Variants in METTL25 observed in about 807,000 individuals in gnomAD.
METTL25 encodes methyltransferase like 25.
In METTL25, 64 loss-of-function variants were observed where a neutral mutation model predicts 71.6. The ratio of observed to expected loss-of-function variants is 0.89; its 90% CI spans 0.73 to 1.10. The LOEUF (loss-of-function observed/expected upper bound fraction) is 1.10. Ranked by LOEUF, METTL25 falls within the 50% of genes least tolerant of loss-of-function variation. METTL25 has a pLI of 0.00. For missense variants in METTL25, 807 were observed against 707.0 expected, an observed-to-expected ratio of 1.14 and a Z score of -1.60; for synonymous variants, 287 against 250.3, an observed-to-expected ratio of 1.15 and a Z score of -1.38.
chr12:82,430,472 G>T (rs1197648597), intron 5 of METTL25, among the ~76,000 whole-genome samples: 1 of 151,478 alleles, frequency 6.6e-6, no homozygotes, highest in Non-Finnish European at 1.5e-5. Flanking sequence ...AACATTGTTA[G>T]GAATGAATTT....
chr12:82,428,263 C>T (rs569767653), intron 5 of METTL25, among the ~76,000 whole-genome samples: 2 of 151,932 alleles, frequency 1.3e-5, no homozygotes, highest in South Asian at 4.2e-4. Flanking sequence ...GAATTGCAGC[C>T]TCTAGTCTCA....
intron 1 of METTL25, among the ~76,000 whole-genome samples, chr12:82,378,134 A>T (rs1376441359): frequency 6.6e-6 from 1 of 152,214 alleles, no homozygotes; most frequent in Admixed American, 6.5e-5. Flanking sequence ...ACTGCATTTC[A>T]GGTTCAGCCA....
chr12:82,384,394 TC>T (rs1005174246), intron 1 of METTL25, among the ~76,000 whole-genome samples: 3 of 151,374 alleles, frequency 2.0e-5, no homozygotes, highest in Non-Finnish European at 4.4e-5. Context: ...TCTCTCTCTC[TC>T]TGTCTTCCTC....
At chr12:82,438,046 G>A (rs1400283627) in intron 7 of METTL25, among the ~76,000 whole-genome samples, 4 of 151,574 alleles carry the variant, frequency 2.6e-5, no homozygotes, top group African/African-American at 4.8e-5. Context: ...TAAAACAATC[G>A]TGCTTCATTG....
rs576477146 is a variant in METTL25, at chr12:82,457,055, G to A, written c.1572+235G>A. Among the ~76,000 whole-genome samples, 277 of 152,022 alleles carry A rather than the reference G, an allele frequency of 1.8e-3. 2 individuals carry two copies. Among genetic ancestry groups the A allele is most frequent in the African/African-American group, 6.3e-3 (263 of 41,514 alleles). On this transcript the variant is annotated intron_variant, in intron 9 of 11. Coordinates refer to ENST00000248306, the MANE Select transcript of METTL25 (RefSeq NM_032230.3). ...CCCTCTTTTAGTTCGAGTTAAAAAT[G>A]TGCCAATTTACAAATCAAAATACAG...
Position 82,401,298 on chromosome 12 carries a change from GTGTT to G in METTL25, c.1132-1682_1132-1679del, listed in dbSNP as rs1359116869. On this transcript the variant is annotated intron_variant, in intron 4 of 11. Transcript: ENST00000248306. ...ATATGCTGACAATAGTTATAAAAAT[GTGTT>G]TGAGAAACAAGTTAATACTTAACGT... Among the ~76,000 whole-genome samples, 6 of 152,038 alleles carry G rather than the reference GTGTT, an allele frequency of 3.9e-5. No homozygotes were observed. The South Asian group carries it at 1.0e-3, about 26-fold the overall frequency.
intron 1 of METTL25, among the ~76,000 whole-genome samples, chr12:82,381,824 T>G (rs1441506831): frequency 2.0e-5 from 3 of 152,246 alleles, no homozygotes; most frequent in South Asian, 4.1e-4. Context: ...GAAAACATGT[T>G]CAATTCAACT....
At chr12:82,424,280 G>C (rs192286601) in intron 5 of METTL25, among the ~76,000 whole-genome samples, 4 of 151,798 alleles carry the variant, frequency 2.6e-5, no homozygotes, top group African/African-American at 9.7e-5. Context: ...GCAAACTATC[G>C]CAAGGACAAA....
chr12:82,360,471 GA>G (rs1881701325), intron 1 of METTL25, among the ~76,000 whole-genome samples: 1 of 151,284 alleles, frequency 6.6e-6, no homozygotes, highest in Non-Finnish European at 1.5e-5. Flanking sequence ...AGTGCTGTAA[GA>G]AAAAAAGTAT....
intron 1 of METTL25, among the ~76,000 whole-genome samples, chr12:82,375,050 A>G (rs979412735): frequency 6.6e-6 from 1 of 152,234 alleles, no homozygotes; most frequent in Non-Finnish European, 1.5e-5. Flanking sequence ...CAAGATTTTG[A>G]TTGCAAACTT....
At chr12:82,446,043 C>T (rs923556152) in intron 8 of METTL25, among the ~76,000 whole-genome samples, 3 of 151,964 alleles carry the variant, frequency 2.0e-5, no homozygotes, top group Non-Finnish European at 4.4e-5. Flanking sequence ...GCTATACTTA[C>T]GTCACATAAA....
rs114950432 is a variant in METTL25 at position 82,402,041 on chromosome 12, A to G, written c.1132-942A>G. ...AGTATTATTAGTAAATTCAACTTCAAAATGATTGTTGAACAAGATTCTGTG... is the reference window on the plus strand; with the variant it reads ...AGTATTATTAGTAAATTCAACTTCAGAATGATTGTTGAACAAGATTCTGTG... On this transcript the variant is annotated intron_variant, in intron 4 of 11. Coordinates refer to ENST00000248306, the MANE Select transcript of METTL25 (RefSeq NM_032230.3). Among the ~76,000 whole-genome samples the G allele has an allele frequency of 8.7e-3, 1,324 of 152,168 alleles. 18 individuals are homozygous for G. Among genetic ancestry groups the G allele is most frequent in the African/African-American group, 0.03 (1,250 of 41,552 alleles).
chr12:82,406,698 T>G (rs570108408), intron 5 of METTL25, among the ~76,000 whole-genome samples: 4 of 152,282 alleles, frequency 2.6e-5, no homozygotes, highest in Admixed American at 2.6e-4. Context: ...TTCTTTATCA[T>G]CAAACATTAG....
At chr12:82,386,702 G>A (rs368175339) in intron 1 of METTL25, 101 bp from the exon 2 acceptor site, 5 of 896,360 alleles carry the variant, frequency 5.6e-6, no homozygotes, top group South Asian at 3.6e-5. Flanking sequence ...GAAAATATTG[G>A]CATTTGTTAT....
chr12:82,358,994 G>GTTCTTTGGAATCAGGATCACTCT lies in METTL25; in HGVS notation c.259+179_259+201dup, dbSNP rs1463139142. On this transcript the variant is annotated intron_variant, in intron 1 of 11. Transcript: ENST00000248306. ...ATTAGTTGAGGGGTGGGGTGGGGAT[G>GTTCTTTGGAATCAGGATCACTCT]TTCTTTGGAATCAGGATCACTCTTT... The GTTCTTTGGAATCAGGATCACTCT allele has an allele frequency of 2.3e-5, 16 of 687,780 alleles. No homozygotes were observed. In the East Asian group the frequency reaches 4.1e-4, roughly 18 times the overall value. 42.6% of individuals were successfully genotyped at this position (687,780 alleles called of 1,614,324 possible). A position where few individuals can be genotyped will look rare whatever the true frequency, so the allele number is the denominator to read the frequency against.
intron 9 of METTL25, 138 bp from the exon 10 acceptor site, chr12:82,476,506 A>G (rs574172568): frequency 1.6e-6 from 1 of 617,006 alleles, no homozygotes; most frequent in African/African-American, 1.9e-5. Flanking sequence ...TTGCTTCATG[A>G]ATATCCTTAG....
chr12:82,408,406 A>G (rs1892900971), intron 5 of METTL25, among the ~76,000 whole-genome samples: 1 of 152,006 alleles, frequency 6.6e-6, no homozygotes, highest in Non-Finnish European at 1.5e-5. Context: ...TCAGAGCAAA[A>G]ACCTGGGGAA....
At chr12:82,435,423 G>T (rs921527439) in intron 7 of METTL25, among the ~76,000 whole-genome samples, 21 of 150,978 alleles carry the variant, frequency 1.4e-4, no homozygotes, top group African/African-American at 5.1e-4. Flanking sequence ...GATTACCCTG[G>T]GCCAGAAACA....
At chr12:82,454,624 A>G (rs111299517) in intron 8 of METTL25, among the ~76,000 whole-genome samples, 5 of 152,022 alleles carry the variant, frequency 3.3e-5, no homozygotes, top group African/African-American at 1.2e-4. Context: ...TGCTACAGTA[A>G]AAAGTAGTGT....
Sources: gnomAD v4.1 joint callset for allele counts (sites outside exome capture counted in the v4.1 genomes callset) on GRCh38, gnomAD v4.1.1 for gene constraint, MANE v1.5 for transcripts, NCBI Gene and HGNC (gene_info 2026-07-23, HGNC 2026-07-21) for gene names.